PEX26: variants seen among roughly 807,000 people sequenced by gnomAD.
PEX26 encodes the protein peroxisomal biogenesis factor 26.
In PEX26, 18 loss-of-function variants were observed where a neutral mutation model predicts 31.4. The observed-to-expected ratio is 0.57, with a 90% confidence interval of 0.40 to 0.85. PEX26 has a LOEUF of 0.85. Among genes scored for constraint, PEX26 ranks in the 40% least tolerant of loss-of-function variants. PEX26 has a pLI of 0.00. For missense variants in PEX26, 377 were observed against 383.9 expected, an observed-to-expected ratio of 0.98 and a Z score of 0.15; for synonymous variants, 176 against 166.9, an observed-to-expected ratio of 1.05 and a Z score of -0.42.
At position 18,090,888 on chromosome 22, in the gene PEX26, T is replaced by A. The variant is rs1380208220; in HGVS notation, c.*2813T>A. 6.6e-6 allele frequency: 1 copy of A among 152,076 alleles called. No individual in the cohort carries two copies. Among genetic ancestry groups the A allele is most frequent in the Non-Finnish European group, 1.5e-5 (1 of 68,072 alleles). 9.4% of individuals were successfully genotyped at this position (152,076 alleles called of 1,614,324 possible). On this transcript the variant is annotated 3_prime_UTR_variant, in exon 5 of 5. Transcript: ENST00000399744. ...TGGGGGTGGGGGCGGAGGGTTCGCC[T>A]CTAGGAAGGGGCTAGAAGGGATGAG...
Position 18,087,871 on chromosome 22 carries a change from C to G in PEX26, c.815-101C>G. ...GTCTCTAAAAAAAACAAAACAAAAC[C>G]AACTATGTGTAATTGGTAGTGGAGT... On this transcript the variant is annotated intron_variant, in intron 4 of 4. Transcript: ENST00000399744. 3.6e-6 allele frequency: 3 copies of G among 827,374 alleles called. No individual in the cohort carries two copies. In the South Asian group the frequency reaches 4.0e-5, roughly 11 times the overall value. 51.3% of individuals were successfully genotyped at this position (827,374 alleles called of 1,614,324 possible). A position where few individuals can be genotyped will look rare whatever the true frequency, so the allele number is the denominator to read the frequency against.
rs969762284 is a variant in PEX26, at chr22:18,096,061, G to A, written c.*7986G>A. On this transcript the variant is annotated 3_prime_UTR_variant, in exon 5 of 5. Transcript: ENST00000399744. ...TGGTCTTGAACTCTTGACCTCAAGT[G>A]ATCTGCATGCCTCACCTCCCAAAGT... is the stretch of plus-strand genomic sequence containing the variant. The A allele has an allele frequency of 6.6e-6, 1 of 152,228 alleles. No homozygotes were observed. The highest frequency in any genetic ancestry group is 2.4e-5 in the African/African-American group (1 of 41,428). 9.4% of individuals were successfully genotyped at this position (152,228 alleles called of 1,614,324 possible).
At position 18,091,984 on chromosome 22, in the gene PEX26, A is replaced by G. The variant is rs1396273660; in HGVS notation, c.*3909A>G. The G allele has an allele frequency of 6.6e-6, 1 of 152,254 alleles. No homozygotes were observed. The highest frequency in any genetic ancestry group is 2.4e-5 in the African/African-American group (1 of 41,448). 9.4% of individuals were successfully genotyped at this position (152,254 alleles called of 1,614,324 possible). ...CTACATCTAGAAGGTGGCCTCTGCT[A>G]TCCACTTAAAGCAGCCCAAGGAACT... On this transcript the variant is annotated 3_prime_UTR_variant, in exon 5 of 5. Transcript: ENST00000399744.
At position 18,078,110 on chromosome 22, in the gene PEX26, CG is replaced by C; in HGVS notation, c.-265del. ...GCAGTTCCTGCACGTGTCGCGGGGCCGGAGAAGCTAGGGCCAGGTATTCCAG... is the reference window on the plus strand; with the variant it reads ...GCAGTTCCTGCACGTGTCGCGGGGCCGAGAAGCTAGGGCCAGGTATTCCAG... On this transcript the variant is annotated 5_prime_UTR_variant, in exon 1 of 5. An upstream open reading frame in the 5' UTR loses its in-frame stop. Coordinates refer to ENST00000399744, the MANE Select transcript of PEX26 (RefSeq NM_001127649.3). 1.6e-6 allele frequency: 1 copy of C among 631,472 alleles called. No individual in the cohort carries two copies. The highest frequency in any genetic ancestry group is 2.9e-6 in the Non-Finnish European group (1 of 340,060). 39.1% of individuals were successfully genotyped at this position (631,472 alleles called of 1,614,324 possible). A position where few individuals can be genotyped will look rare whatever the true frequency, so the allele number is the denominator to read the frequency against.
chr22:18,098,768 A>ATT lies in PEX26; in HGVS notation c.*10694_*10695insTT, dbSNP rs1927370100. 1.9e-4 allele frequency: 1 copy of ATT among 5,160 alleles called. No homozygotes were observed. Among genetic ancestry groups the ATT allele is most frequent in the African/African-American group, 2.4e-4 (1 of 4,120 alleles). The allele number at this position is 5,160 out of a possible 1,614,324, so 0.3% of individuals were successfully genotyped here. ...CATGTGTATGTGTGCGTGTGTAGAC[A>ATT]TATATATATAATATATATACACATA... On this transcript the variant is annotated 3_prime_UTR_variant, in exon 5 of 5. Coordinates refer to ENST00000399744, the MANE Select transcript of PEX26 (RefSeq NM_001127649.3).
rs184572083 is a variant in PEX26, at chr22:18,085,796, C to T, written c.814+538C>T. ...TTGAGGCAGGAGAATAGCTTGAACC[C>T]GGGAGGCGGAGGTTGCAGTGAGCCA... On this transcript the variant is annotated intron_variant, in intron 4 of 4. Coordinates refer to ENST00000399744, the MANE Select transcript of PEX26 (RefSeq NM_001127649.3). Among the ~76,000 whole-genome samples, 138 of 151,954 alleles carry T rather than the reference C, an allele frequency of 9.1e-4. 1 individual carries two copies. The highest frequency in any genetic ancestry group is 1.7e-3 in the Non-Finnish European group (117 of 67,952).
rs1325560784 is a variant in PEX26 at position 18,095,676 on chromosome 22, C to T, written c.*7601C>T. ...TGGCTAAAAGATGTGCTCTATTAAT[C>T]CTCCCAGGAAACATATTTTGCAAAA... On this transcript the variant is annotated 3_prime_UTR_variant, in exon 5 of 5. Coordinates refer to ENST00000399744, the MANE Select transcript of PEX26 (RefSeq NM_001127649.3). 1 of 148,604 alleles carries T rather than the reference C, an allele frequency of 6.7e-6. No individual in the cohort carries two copies. The highest frequency in any genetic ancestry group is 1.5e-5 in the Non-Finnish European group (1 of 67,714). The allele number at this position is 148,604 out of a possible 1,614,324, so 9.2% of individuals were successfully genotyped here.
At position 18,099,966 on chromosome 22, in the gene PEX26, AT is replaced by A. The variant is rs970428687; in HGVS notation, c.*11895del. 9.2e-5 allele frequency: 14 copies of A among 152,312 alleles called. 1 individual carries two copies. Among genetic ancestry groups the A allele is most frequent in the Admixed American group, 2.6e-4 (4 of 15,300 alleles). The allele number at this position is 152,312 out of a possible 1,614,324, so 9.4% of individuals were successfully genotyped here. A position where few individuals can be genotyped will look rare whatever the true frequency, so the allele number is the denominator to read the frequency against. ...ATTCCAAATAATGTCACATTCTGAG[AT>A]TTTAGGCAAACATATCTTTGGGGGG... is the stretch of plus-strand genomic sequence containing the variant. On this transcript the variant is annotated 3_prime_UTR_variant, in exon 5 of 5. Coordinates refer to ENST00000399744, the MANE Select transcript of PEX26 (RefSeq NM_001127649.3).
Position 18,079,896 on chromosome 22 carries a change from C to T in PEX26, c.253C>T (p.Leu85=), listed in dbSNP as rs1569186351. The T allele has an allele frequency of 1.2e-6, 2 of 1,614,098 alleles. No individual in the cohort carries two copies. The highest frequency in any genetic ancestry group is 2.2e-5 in the South Asian group (2 of 91,076). The change falls in exon 2 of 5, where the codon CTG becomes TTG. Residue 85 remains leucine (L), a synonymous_variant. Coordinates refer to ENST00000399744, the MANE Select transcript of PEX26 (RefSeq NM_001127649.3). ...AGTSLEVKCS[L]CVVGIQALAE... ...CAGCTCATTGGAGGTGAAGTGCTCC[C>T]TGTGTGTTGTGGGGATCCAGGCCCT...
In PEX26 at chr22:18,099,944, C is replaced by A. The variant is rs1927403507; in HGVS notation, c.*11869C>A. 6.6e-6 allele frequency: 1 copy of A among 152,204 alleles called. No homozygotes were observed. Among genetic ancestry groups the A allele is most frequent in the Non-Finnish European group, 1.5e-5 (1 of 68,038 alleles). The allele number at this position is 152,204 out of a possible 1,614,324, so 9.4% of individuals were successfully genotyped here. A position where few individuals can be genotyped will look rare whatever the true frequency, so the allele number is the denominator to read the frequency against. On this transcript the variant is annotated 3_prime_UTR_variant, in exon 5 of 5. Coordinates refer to ENST00000399744, the MANE Select transcript of PEX26 (RefSeq NM_001127649.3). The stretch of plus-strand genomic sequence containing the variant: ...CCTCAATTACATCAAGATCCTTATT[C>A]CAAATAATGTCACATTCTGAGATTT...
chr22:18,094,617 A>G lies in PEX26; in HGVS notation c.*6542A>G, dbSNP rs1695029994. ...AACCTACAGGTTCTTGCCCTCAGAA[A>G]AATGCATGCATACTTTTATGTTACA... On this transcript the variant is annotated 3_prime_UTR_variant, in exon 5 of 5. Coordinates refer to ENST00000399744, the MANE Select transcript of PEX26 (RefSeq NM_001127649.3). The G allele has an allele frequency of 6.6e-6, 1 of 152,230 alleles. No individual in the cohort carries two copies. The highest frequency in any genetic ancestry group is 6.5e-5 in the Admixed American group (1 of 15,278). 9.4% of individuals were successfully genotyped at this position (152,230 alleles called of 1,614,324 possible).
At chr22:18,080,573 A>T (rs1926530054) in intron 2 of PEX26, among the ~76,000 whole-genome samples, 1 of 152,092 alleles carries the variant, frequency 6.6e-6, no homozygotes, top group Non-Finnish European at 1.5e-5. Context: ...CTCGTGATCC[A>T]CCTGCCTCGG....
intron 2 of PEX26, among the ~76,000 whole-genome samples, chr22:18,080,475 G>A (rs1602457981): frequency 6.6e-6 from 1 of 151,998 alleles, no homozygotes. Context: ...GACTACAGGC[G>A]CCTGCCACCA....
Position 18,091,993 on chromosome 22 carries a change from A to C in PEX26, c.*3918A>C, listed in dbSNP as rs1294265005. 6.6e-6 allele frequency: 1 copy of C among 152,256 alleles called. No homozygotes were observed. The highest frequency in any genetic ancestry group is 2.4e-5 in the African/African-American group (1 of 41,452). The allele number at this position is 152,256 out of a possible 1,614,324, so 9.4% of individuals were successfully genotyped here. A position where few individuals can be genotyped will look rare whatever the true frequency, so the allele number is the denominator to read the frequency against. ...GAAGGTGGCCTCTGCTATCCACTTAAAGCAGCCCAAGGAACTGTCAGAAAG... is the reference window on the plus strand; with the variant it reads ...GAAGGTGGCCTCTGCTATCCACTTACAGCAGCCCAAGGAACTGTCAGAAAG... On this transcript the variant is annotated 3_prime_UTR_variant, in exon 5 of 5. Transcript: ENST00000399744.
chr22:18,085,902 C>T (rs913412900), intron 4 of PEX26, among the ~76,000 whole-genome samples: 25 of 151,806 alleles, frequency 1.6e-4, no homozygotes, highest in Admixed American at 1.0e-3. Flanking sequence ...AAAAAACTTC[C>T]GCTCATCAGA....
In PEX26 at chr22:18,093,919, A is replaced by T. The variant is rs1927210814; in HGVS notation, c.*5844A>T. On this transcript the variant is annotated 3_prime_UTR_variant, in exon 5 of 5. Coordinates refer to ENST00000399744, the MANE Select transcript of PEX26 (RefSeq NM_001127649.3). Reference sequence around the variant, plus strand: ...GGCGGGAAGGGGCCATGTTGGCCGGACAACTGCAGGTGAAGATGGGATTGT... The same window carrying T: ...GGCGGGAAGGGGCCATGTTGGCCGGTCAACTGCAGGTGAAGATGGGATTGT... The T allele has an allele frequency of 6.6e-6, 1 of 152,276 alleles. No individual in the cohort carries two copies. The highest frequency in any genetic ancestry group is 6.5e-5 in the Admixed American group (1 of 15,280). 9.4% of individuals were successfully genotyped at this position (152,276 alleles called of 1,614,324 possible).
Position 18,078,146 on chromosome 22 carries a change from A to C in PEX26, c.-231A>C. The C allele has an allele frequency of 1.5e-6, 1 of 685,860 alleles. No individual in the cohort carries two copies. The highest frequency in any genetic ancestry group is 1.5e-5 in the South Asian group (1 of 66,600). The allele number at this position is 685,860 out of a possible 1,614,324, so 42.5% of individuals were successfully genotyped here. A position where few individuals can be genotyped will look rare whatever the true frequency, so the allele number is the denominator to read the frequency against. ...GGGCCAGGTATTCCAGGGATGCAAGAATCCTGCAAATCTGACGTGTAAACT... is the reference window on the plus strand; with the variant it reads ...GGGCCAGGTATTCCAGGGATGCAAGCATCCTGCAAATCTGACGTGTAAACT... On this transcript the variant is annotated 5_prime_UTR_variant, in exon 1 of 5. Transcript: ENST00000399744.
intron 1 of PEX26, chr22:18,078,870 T>A: frequency 1.5e-6 from 1 of 657,372 alleles, no homozygotes; most frequent in Non-Finnish European, 2.8e-6. Context: ...GAAGGCTGAA[T>A]GTGTATTAAG....
intron 4 of PEX26, 77 bp from the exon 5 acceptor site, chr22:18,087,895 G>A (rs1444081369): frequency 6.5e-6 from 6 of 919,494 alleles, no homozygotes; most frequent in Non-Finnish European, 1.1e-5. Flanking sequence ...TGGTAGTGGA[G>A]TCTCCCAGGG....
Sources: gnomAD v4.1 joint callset for allele counts (sites outside exome capture counted in the v4.1 genomes callset) on GRCh38, gnomAD v4.1.1 for gene constraint, MANE v1.5 for transcripts, NCBI Gene and HGNC (gene_info 2026-07-23, HGNC 2026-07-21) for gene names.